The following LCORL variants were observed in gnomAD, a reference collection of about 807,000 sequenced individuals.
LCORL encodes the protein ligand-dependent nuclear receptor corepressor-like protein.
A neutral mutation model predicts 141.8 loss-of-function variants in LCORL; 41 were observed. The observed-to-expected ratio is 0.29, with a 90% CI of 0.23 to 0.38. The LOEUF is 0.38. Among genes scored for constraint, LCORL ranks in the 10% least tolerant of loss-of-function variants. LCORL has a pLI of 1.00. For synonymous variants in LCORL, 618 were observed against 694.1 expected (o/e 0.89, Z 1.72); for missense variants, 1,759 against 2,035.0 (o/e 0.86, Z 2.61).
intron 6 of LCORL, chr4:17,883,682 A>G (rs922614516): frequency 6.7e-7 from 1 of 1,490,420 alleles, no homozygotes. Flanking sequence ...AAACACACAC[A>G]CACACACACA....
chr4:18,004,927 CT>C (rs553420080), intron 1 of LCORL, among the ~76,000 whole-genome samples: 647 of 142,336 alleles, frequency 4.5e-3, no homozygotes, highest in Non-Finnish European at 4.7e-3. Context: ...GCAGTCAAAG[CT>C]TTTTTTTTTT....
chr4:17,876,215 C>G, exon 7 of LCORL: 8 of 1,230,926 alleles, frequency 6.5e-6, no homozygotes, highest in Non-Finnish European at 8.1e-6. Context: ...AAATAGATGA[C>G]TTTTTCAGAT....
intron 1 of LCORL, among the ~76,000 whole-genome samples, chr4:17,989,475 C>T (rs958815637): frequency 2.6e-5 from 4 of 151,930 alleles, no homozygotes; most frequent in African/African-American, 4.8e-5. Context: ...TTACTCAGTT[C>T]GAGAAAGTAA....
intron 4 of LCORL, among the ~76,000 whole-genome samples, chr4:17,950,932 G>C (rs1739624354): frequency 6.6e-6 from 1 of 152,166 alleles, no homozygotes; most frequent in Non-Finnish European, 1.5e-5. Flanking sequence ...CTGAAAAAGT[G>C]CAAGTAAAGT....
At chr4:17,875,848 T>C (rs998084207) in exon 7 of LCORL, 7 of 1,231,206 alleles carry the variant, frequency 5.7e-6, no homozygotes, top group Non-Finnish European at 7.1e-6. Context: ...CCTATAAACA[T>C]TGTAGAGGAT....
At chr4:17,968,866 C>T (rs187221217) in intron 2 of LCORL, among the ~76,000 whole-genome samples, 1 of 152,272 alleles carries the variant, frequency 6.6e-6, no homozygotes, top group Admixed American at 6.5e-5. Context: ...AGTCAACAAG[C>T]TGGATTTAGC....
chr4:17,873,255 G>C (rs1318175553), intron 7 of LCORL, 133 bp downstream of exon 7: 6 of 508,952 alleles, frequency 1.2e-5, no homozygotes, highest in Non-Finnish European at 1.8e-5. Flanking sequence ...TTTCATACTA[G>C]GTGCCAAGAA....
intron 7 of LCORL, among the ~76,000 whole-genome samples, chr4:17,852,307 A>G (rs1431208101): frequency 6.6e-6 from 1 of 152,146 alleles, no homozygotes; most frequent in Admixed American, 6.6e-5. Context: ...GGAAAAATGT[A>G]AAGACCTGGG....
At chr4:17,893,357 A>T in intron 5 of LCORL, 3 of 945,616 alleles carry the variant, frequency 3.2e-6, no homozygotes, top group Non-Finnish European at 3.8e-6. Flanking sequence ...ATCCTTCCAT[A>T]CTATTGAGCT....
exon 7 of LCORL, chr4:17,877,803 T>C: frequency 8.1e-7 from 1 of 1,230,262 alleles, no homozygotes; most frequent in South Asian, 4.1e-5. Context: ...ACAGCACCTG[T>C]GAGAATTATA....
At chr4:17,940,640 T>C (rs1000999517) in intron 4 of LCORL, among the ~76,000 whole-genome samples, 13 of 151,912 alleles carry the variant, frequency 8.6e-5, no homozygotes, top group African/African-American at 3.1e-4. Flanking sequence ...ATATTTATGA[T>C]TTCTATTATC....
intron 7 of LCORL, among the ~76,000 whole-genome samples, chr4:17,860,788 T>C (rs1422638781): frequency 6.6e-6 from 1 of 152,208 alleles, no homozygotes; most frequent in Non-Finnish European, 1.5e-5. Flanking sequence ...AATACAGCCA[T>C]TCCAAATTGG....
chr4:17,845,729 C>T (rs769565617), exon 8 of LCORL: 3 of 1,605,988 alleles, frequency 1.9e-6, no homozygotes, highest in Non-Finnish European at 1.7e-6. Flanking sequence ...ATCTATTTCT[C>T]TTCGCTTTTG....
intron 1 of LCORL, among the ~76,000 whole-genome samples, chr4:17,977,691 G>A (rs777211925): frequency 6.6e-6 from 1 of 152,054 alleles, no homozygotes; most frequent in Non-Finnish European, 1.5e-5. Context: ...AATATATGTT[G>A]TGAATATTTC....
chr4:17,928,461 CAT>C (rs1312923344), intron 4 of LCORL, among the ~76,000 whole-genome samples: 1 of 152,162 alleles, frequency 6.6e-6, no homozygotes, highest in Non-Finnish European at 1.5e-5. Context: ...TGTTAACAAA[CAT>C]ATTAACAGAA....
intron 7 of LCORL, among the ~76,000 whole-genome samples, chr4:17,861,703 C>A (rs1469867424): frequency 1.3e-5 from 2 of 152,208 alleles, no homozygotes; most frequent in African/African-American, 4.8e-5. Flanking sequence ...GCTCTGCTTC[C>A]TTTATAAAAC....
chr4:17,981,809 T>C (rs1425350015), intron 1 of LCORL, among the ~76,000 whole-genome samples: 1 of 152,120 alleles, frequency 6.6e-6, no homozygotes, highest in East Asian at 1.9e-4. Context: ...GGCAAACTGA[T>C]GTCACAGGGG....
At chr4:17,862,659 C>A (rs953074554) in intron 7 of LCORL, among the ~76,000 whole-genome samples, 1 of 152,188 alleles carries the variant, frequency 6.6e-6, no homozygotes, top group Non-Finnish European at 1.5e-5. Context: ...GCTGGGATAA[C>A]TGGCTAGCCA....
chr4:17,971,271 TTTTTG>T (rs1240112465), intron 2 of LCORL, among the ~76,000 whole-genome samples: 2 of 152,074 alleles, frequency 1.3e-5, no homozygotes, highest in African/African-American at 4.8e-5. Context: ...ACTTTTCTCG[TTTTTG>T]TTTTGTTTAC....
Sources: gnomAD v4.1 joint callset for allele counts (sites outside exome capture counted in the v4.1 genomes callset) on GRCh38, gnomAD v4.1.1 for gene constraint, MANE v1.5 for transcripts, NCBI Gene and HGNC (gene_info 2026-07-23, HGNC 2026-07-21) for gene names.